KALRN: variants seen among roughly 807,000 people sequenced by gnomAD.
The protein encoded by KALRN is kalirin RhoGEF kinase.
KALRN carries 70 observed loss-of-function variants against 353.7 expected under a neutral mutation model. The observed-to-expected ratio is 0.20, with a 90% CI of 0.16 to 0.24. The LOEUF is 0.24. KALRN is among the 10% of genes least tolerant of loss of function. KALRN has a pLI of 1.00. For missense variants in KALRN, 2,791 were observed against 3,756.7 expected (o/e 0.74, Z 6.72); for synonymous variants, 1,391 against 1,434.8 (o/e 0.97, Z 0.69).
intron 23 of KALRN, among the ~76,000 whole-genome samples, chr3:124,461,018 A>G (rs1379072803): frequency 6.6e-6 from 1 of 152,218 alleles, no homozygotes; most frequent in Non-Finnish European, 1.5e-5. Context: ...AACAAGTCCC[A>G]TTGGAAATAG....
chr3:124,655,715 C>T lies in KALRN; in HGVS notation c.5862+48C>T, dbSNP rs1383286137. Reference sequence around the variant, plus strand: ...GTCTGTGGTCACCCAACCAGGAGCACGTTGGACCCTACCTAGGCCAAGGTG... The same window carrying T: ...GTCTGTGGTCACCCAACCAGGAGCATGTTGGACCCTACCTAGGCCAAGGTG... On this transcript the variant is annotated intron_variant, in intron 39 of 59. Transcript: ENST00000682506. The T allele has an allele frequency of 1.4e-5, 20 of 1,391,022 alleles. 1 individual carries two copies. The highest frequency in any genetic ancestry group is 3.6e-4 in the Middle Eastern group (2 of 5,626). 86.2% of individuals were successfully genotyped at this position (1,391,022 alleles called of 1,614,324 possible). A position where few individuals can be genotyped will look rare whatever the true frequency, so the allele number is the denominator to read the frequency against.
In KALRN at chr3:124,401,817, T is replaced by G. The variant is rs535709466; in HGVS notation, c.2346+2946T>G. ...TGCCAAACCTATAGAAAAGTTCTGC[T>G]TCAAGTCAGATTGTCAGAAGTTATT... On this transcript the variant is annotated intron_variant, in intron 13 of 59. Transcript: ENST00000682506. Among the ~76,000 whole-genome samples, 91 of 152,312 alleles carry G rather than the reference T, an allele frequency of 6.0e-4. 1 individual carries two copies. Among genetic ancestry groups the G allele is most frequent in the African/African-American group, 2.2e-3 (91 of 41,576 alleles).
rs1443644503 is a variant in KALRN, at chr3:124,326,190, C to T, written c.1284+19C>T. ...TGAGCAGGTAAGGTGCAGAAACCTG[C>T]AGCAGCTGCTGTTGGTAGGAAGGGT... On this transcript the variant is annotated intron_variant, in intron 7 of 59. Coordinates refer to ENST00000682506, the MANE Select transcript of KALRN (RefSeq NM_001388419.1). 1.3e-6 allele frequency: 2 copies of T among 1,599,200 alleles called. No individual in the cohort carries two copies.
At chr3:124,315,607 C>G (rs753386937) in intron 6 of KALRN, among the ~76,000 whole-genome samples, 1 of 152,022 alleles carries the variant, frequency 6.6e-6, no homozygotes, top group Non-Finnish European at 1.5e-5. Context: ...GTTCCATAAC[C>G]CAGGCTATTT....
intron 34 of KALRN, among the ~76,000 whole-genome samples, chr3:124,579,503 G>A (rs1198564817): frequency 1.3e-5 from 2 of 152,162 alleles, no homozygotes; most frequent in Non-Finnish European, 2.9e-5. Context: ...GAGTGGGTGG[G>A]TAGGTATGTG....
chr3:124,674,844 G>T, intron 49 of KALRN: 1 of 421,864 alleles, frequency 2.4e-6, no homozygotes, highest in East Asian at 3.7e-5. Flanking sequence ...CTTTCCTTTT[G>T]GTTTATAATT....
intron 34 of KALRN, among the ~76,000 whole-genome samples, chr3:124,572,766 A>C (rs962307030): frequency 1.3e-5 from 2 of 152,212 alleles, no homozygotes; most frequent in African/African-American, 4.8e-5. Context: ...AGACTATAAA[A>C]ACATGGTCTG....
chr3:124,330,246 T>TCTCACACACACACACACACA (rs1421313474), intron 8 of KALRN, among the ~76,000 whole-genome samples: 5 of 134,308 alleles, frequency 3.7e-5, no homozygotes, highest in Non-Finnish European at 7.9e-5. Context: ...TCTCTCTCTC[T>TCTCACACACACACACACACA]CACACACACA....
At chr3:124,222,190 T>A (rs996083462) in intron 1 of KALRN, among the ~76,000 whole-genome samples, 2 of 152,140 alleles carry the variant, frequency 1.3e-5, no homozygotes, top group Admixed American at 6.5e-5. Context: ...ATCTGATACA[T>A]GAAGGAATGG....
intron 34 of KALRN, among the ~76,000 whole-genome samples, chr3:124,563,920 G>A (rs1354654906): frequency 6.6e-6 from 1 of 151,234 alleles, no homozygotes; most frequent in East Asian, 1.9e-4. Flanking sequence ...ACTTGAACCC[G>A]AGAGGCTGAG....
At chr3:124,262,607 G>A (rs377612517) in intron 3 of KALRN, among the ~76,000 whole-genome samples, 4 of 152,240 alleles carry the variant, frequency 2.6e-5, no homozygotes, top group African/African-American at 9.6e-5. Context: ...GGAGAGAGTC[G>A]CCTCTCCTGG....
At chr3:124,161,692 A>G (rs947357379) in intron 1 of KALRN, among the ~76,000 whole-genome samples, 6 of 152,226 alleles carry the variant, frequency 3.9e-5, no homozygotes, top group African/African-American at 1.2e-4. Flanking sequence ...AACTATTTGC[A>G]TATCTCCCAG....
intron 33 of KALRN, among the ~76,000 whole-genome samples, chr3:124,546,290 CAAAAAAAA>C (rs5852410): frequency 8.7e-6 from 1 of 114,674 alleles, no homozygotes. Context: ...CCCCATCTCT[CAAAAAAAA>C]AAAAAAAAAA....
Position 124,655,660 on chromosome 3 carries a change from T to C in KALRN, c.5855T>C (p.Val1952Ala), listed in dbSNP as rs747791697. 19 of 1,613,704 alleles carry C rather than the reference T, an allele frequency of 1.2e-5. No homozygotes were observed. The highest frequency in any genetic ancestry group is 1.5e-5 in the Non-Finnish European group (18 of 1,179,730). ...EKDYVKDLGI[V>A]VEGFMKRIEE... ...GACTATGTCAAGGATCTGGGCATTGTGGTGGAGGTAAGTAGAGGGTTCCAG... is the reference window on the plus strand; with the variant it reads ...GACTATGTCAAGGATCTGGGCATTGCGGTGGAGGTAAGTAGAGGGTTCCAG... Residue 1952 changes from valine to alanine, a missense_variant, in exon 39 of 60, where the codon GTG becomes GCG. By Grantham distance (64) the Val-to-Ala change is moderately conservative. Coordinates refer to ENST00000682506, the MANE Select transcript of KALRN (RefSeq NM_001388419.1).
chr3:124,333,835 C>G (rs2080850855), intron 8 of KALRN, among the ~76,000 whole-genome samples: 1 of 152,180 alleles, frequency 6.6e-6, no homozygotes, highest in Admixed American at 6.5e-5. Context: ...TTGCAGTGAG[C>G]CGAGATCGCA....
At chr3:124,121,095 A>AAT (rs1231077485) in intron 1 of KALRN, among the ~76,000 whole-genome samples, 1 of 139,382 alleles carries the variant, frequency 7.2e-6, no homozygotes, top group East Asian at 2.0e-4. Context: ...CTCCATCTCA[A>AAT]AAAAAAAAAA....
chr3:124,194,897 C>T (rs997374731), intron 1 of KALRN, among the ~76,000 whole-genome samples: 9 of 152,220 alleles, frequency 5.9e-5, no homozygotes, highest in African/African-American at 2.2e-4. Context: ...AGTATGTTTG[C>T]TAAGGACACC....
At chr3:124,378,813 T>C (rs1195611767) in intron 10 of KALRN, among the ~76,000 whole-genome samples, 3 of 151,532 alleles carry the variant, frequency 2.0e-5, no homozygotes, top group Non-Finnish European at 4.4e-5. Flanking sequence ...ATATAGCTTG[T>C]CTTTTTTTCC....
At chr3:124,171,750 A>G (rs941998844) in intron 1 of KALRN, among the ~76,000 whole-genome samples, 9 of 152,206 alleles carry the variant, frequency 5.9e-5, no homozygotes, top group Admixed American at 1.3e-4. Flanking sequence ...TTTGAACTAC[A>G]TGTTCCCTGA....
Sources: allele counts gnomAD v4.1 joint callset (sites outside exome capture counted in the v4.1 genomes callset), GRCh38; gene constraint gnomAD v4.1.1; transcripts MANE v1.5; gene names NCBI Gene and HGNC (gene_info 2026-07-23, HGNC 2026-07-21).